Variants in TRMT1 observed in about 807,000 individuals in gnomAD.
TRMT1 encodes tRNA (guanine(26)-N(2))-dimethyltransferase.
A neutral mutation model predicts 75.4 loss-of-function variants in TRMT1; 63 were observed. The ratio of observed to expected loss-of-function variants is 0.84; its 90% CI spans 0.68 to 1.03. The LOEUF is 1.03. Ranked by LOEUF, TRMT1 falls within the 50% of genes least tolerant of loss-of-function variation. The pLI, the probability that TRMT1 is intolerant of heterozygous loss-of-function variation, is 0.00. For synonymous variants in TRMT1, 382 were observed against 358.1 expected (o/e 1.07, Z -0.75); for missense variants, 870 against 905.3 (o/e 0.96, Z 0.50).
Position 13,115,408 on chromosome 19 carries a change from G to A in TRMT1, c.512C>T (p.Ala171Val), listed in dbSNP as rs2019301720. The A allele has an allele frequency of 6.2e-7, 1 of 1,614,048 alleles. No individual in the cohort carries two copies. The highest frequency in any genetic ancestry group is 1.7e-5 in the Admixed American group (1 of 60,018). The part of the protein sequence containing the change: ...AASGLRSIRF[A>V]LEVPGLRSVV... ...AGATCTGAGCCCAGGCACCTCTAGG[G>A]CAAATCGAATGGAACGTAGGCCTGA... Residue 171 changes from alanine (A) to valine (V), a missense_variant, in exon 5 of 17, where the codon GCC (alanine) becomes GTC (valine). Transcript: ENST00000357720.
intron 12 of TRMT1, among the ~76,000 whole-genome samples, chr19:13,109,085 GGTGTGTGTGTGT>G (rs57825932): frequency 6.8e-6 from 1 of 147,270 alleles, no homozygotes; most frequent in Non-Finnish European, 1.5e-5. Flanking sequence ...CAGGCTAATG[GGTGTGTGTGTGT>G]GTGTGTGTGT....
At chr19:13,108,134 G>A (rs1451208857) in intron 12 of TRMT1, among the ~76,000 whole-genome samples, 2 of 151,510 alleles carry the variant, frequency 1.3e-5, no homozygotes, top group Admixed American at 1.3e-4. Context: ...GGGACTATAG[G>A]CATGTGCCAC....
rs1490975355 is a variant in TRMT1, at chr19:13,110,319, G to A, written c.871-13C>T. The A allele has an allele frequency of 2.6e-6, 2 of 770,250 alleles. No homozygotes were observed. The highest frequency in any genetic ancestry group is 4.5e-6 in the Non-Finnish European group (2 of 447,882). The allele number at this position is 770,250 out of a possible 1,614,324, so 47.7% of individuals were successfully genotyped here. A position where few individuals can be genotyped will look rare whatever the true frequency, so the allele number is the denominator to read the frequency against. ...CGATTCTCAGGGCCTGGGGGTGGGG[G>A]GTGGGTGTCAGCCTCCCCTCCACTA... On this transcript the variant is annotated splice_polypyrimidine_tract_variant and intron_variant, in intron 7 of 16. Coordinates refer to ENST00000357720, the MANE Select transcript of TRMT1 (RefSeq NM_001136035.4).
rs1203970264 is a variant in TRMT1 at position 13,107,617 on chromosome 19, A to G, written c.1540T>C (p.Ser514Pro). 1 of 1,609,004 alleles carries G rather than the reference A, an allele frequency of 6.2e-7. No homozygotes were observed. The highest frequency in any genetic ancestry group is 8.5e-7 in the Non-Finnish European group (1 of 1,177,314). Residue 514 changes from serine (S) to proline (P), a missense_variant, in exon 14 of 17, where the codon TCA (serine) becomes CCA (proline). Physicochemically the swap from Ser to Pro is moderately conservative, Grantham distance 74. Coordinates refer to ENST00000357720, the MANE Select transcript of TRMT1 (RefSeq NM_001136035.4). ...KECPVKRERL[S>P]ETSPAFRILS... ...ATGCGGAACGCTGGGCTAGTCTCTG[A>G]TAGTCGCTCCCGTTTCACCGGACAT... is the stretch of plus-strand genomic sequence containing the variant.
chr19:13,113,079 T>G, intron 5 of TRMT1, 68 bp from the exon 6 acceptor site: 2 of 1,230,908 alleles, frequency 1.6e-6, no homozygotes, highest in East Asian at 5.1e-5. Flanking sequence ...CTACACATAT[T>G]AACTCGTACA....
At chr19:13,106,244 G>C (rs1400485149) in intron 14 of TRMT1, among the ~76,000 whole-genome samples, 1 of 150,712 alleles carries the variant, frequency 6.6e-6, no homozygotes, top group African/African-American at 2.4e-5. Context: ...AATTTTTTTA[G>C]TTTTCTGGTA....
chr19:13,106,802 GT>G (rs1471477412), intron 14 of TRMT1, among the ~76,000 whole-genome samples: 4 of 146,340 alleles, frequency 2.7e-5, no homozygotes, highest in Admixed American at 1.4e-4. Flanking sequence ...AGCAGATTTA[GT>G]TATTTTTATT....
chr19:13,111,437 G>A (rs1272114258), intron 7 of TRMT1, among the ~76,000 whole-genome samples: 1 of 148,344 alleles, frequency 6.7e-6, no homozygotes, highest in Non-Finnish European at 1.5e-5. Flanking sequence ...AGGCTGGAGT[G>A]CAATGGTGCC....
Position 13,105,050 on chromosome 19 carries a change from T to C in TRMT1, c.1865A>G (p.Tyr622Cys). The change falls in exon 17 of 17, where the codon TAC (tyrosine) becomes TGC (cysteine). Residue 622 changes from tyrosine (Y) to cysteine (C), a missense_variant. Transcript: ENST00000357720. ...GTCQRGDQCC[Y>C]SHSPPTPRVS... ...CCTGGGTGTCGGGGGGCTGTGGGAG[T>C]AGCAGCACTGGTCCCCGCGTTGACA... 6.2e-7 allele frequency: 1 copy of C among 1,604,406 alleles called. No individual in the cohort carries two copies. The highest frequency in any genetic ancestry group is 8.5e-7 in the Non-Finnish European group (1 of 1,174,860).
At chr19:13,110,522 A>C (rs2019100053) in intron 7 of TRMT1, among the ~76,000 whole-genome samples, 1 of 152,224 alleles carries the variant, frequency 6.6e-6, no homozygotes, top group African/African-American at 2.4e-5. Flanking sequence ...TGTCTGTGGC[A>C]CTGCTGGGGG....
In TRMT1 at chr19:13,109,732, C is replaced by A. The variant is rs76598051; in HGVS notation, c.1176+37G>T. ...TGAGCAGGGACTATGACCTTCAAGA[C>A]CCTCTTGCTCCTTTGCCTCCCCTGG... On this transcript the variant is annotated intron_variant, in intron 10 of 16. Transcript: ENST00000357720. 5.7e-3 allele frequency: 9,124 copies of A among 1,613,946 alleles called. 446 individuals carry two copies. In the African/African-American group the frequency reaches 0.11, roughly 19 times the overall value.
At position 13,109,371 on chromosome 19, in the gene TRMT1, G is replaced by A; in HGVS notation, c.1397+10C>T. The A allele has an allele frequency of 3.1e-6, 5 of 1,612,226 alleles. No homozygotes were observed. The highest frequency in any genetic ancestry group is 4.2e-6 in the Non-Finnish European group (5 of 1,179,964). ...TGGGACAGGCTCCTCCCGACCCCAG[G>A]GGCTCTTACCGCAACTGCAGGAGGC... On this transcript the variant is annotated intron_variant, in intron 12 of 16. Transcript: ENST00000357720.
At chr19:13,111,710 T>C (rs1427620281) in intron 7 of TRMT1, among the ~76,000 whole-genome samples, 1 of 147,306 alleles carries the variant, frequency 6.8e-6, no homozygotes, top group Non-Finnish European at 1.5e-5. Context: ...TTTTTTTTTC[T>C]TTTTTTTGAG....
At chr19:13,105,728 C>T (rs369633393) in intron 14 of TRMT1, 122 bp from the exon 15 acceptor site, 7 of 1,023,748 alleles carry the variant, frequency 6.8e-6, no homozygotes, top group Non-Finnish European at 9.9e-6. Flanking sequence ...TGTCAGGATT[C>T]TCTCATTCAT....
At position 13,115,308 on chromosome 19, in the gene TRMT1, G is replaced by A. The variant is rs1461708161; in HGVS notation, c.612C>T (p.His204=). Reference sequence around the variant, plus strand: ...CATCTGCTTGGCTCGGCTGTACCAGGTGGGCCACGTCATTGAGCTGGACAT... The same window carrying A: ...CATCTGCTTGGCTCGGCTGTACCAGATGGGCCACGTCATTGAGCTGGACAT... The part of the protein sequence containing the change: ...RRNVQLNDVA[H]LVQPSQADAR... Residue 204 remains histidine, a synonymous_variant, in exon 5 of 17, where the codon CAC becomes CAT. Transcript: ENST00000357720. 1 of 1,613,570 alleles carries A rather than the reference G, an allele frequency of 6.2e-7. No individual in the cohort carries two copies.
intron 12 of TRMT1, 46 bp downstream of exon 12, chr19:13,109,335 A>G: frequency 6.2e-7 from 1 of 1,609,094 alleles, no homozygotes; most frequent in Non-Finnish European, 8.5e-7. Flanking sequence ...GCCCCAGGCC[A>G]CCCTGTGGTC....
At position 13,112,659 on chromosome 19, in the gene TRMT1, C is replaced by T. The variant is rs755547208; in HGVS notation, c.870+46G>A. 2.5e-6 allele frequency: 4 copies of T among 1,573,816 alleles called. No homozygotes were observed. In the South Asian group the frequency reaches 3.4e-5, roughly 13 times the overall value. ...TGTATTGGGAAGGGACTCAGACAAC[C>T]ACCTGTCCCCCGGTCTCCCTGGCTG... On this transcript the variant is annotated intron_variant, in intron 7 of 16. Transcript: ENST00000357720.
In TRMT1 at chr19:13,116,334, C is replaced by T. The variant is rs1016528792; in HGVS notation, c.66G>A (p.Arg22=). Residue 22 remains arginine, a synonymous_variant, in exon 2 of 17, where the codon CGG becomes CGA. Transcript: ENST00000357720. ...FRSARVLSRA[R]FFEWQSPGLP... is the part of the protein sequence containing the mutation. ...GCCCTGGAGACTGCCACTCGAAAAA[C>T]CGGGCTCTAGAGAGCACCCGGGCGG... 4.9e-5 allele frequency: 79 copies of T among 1,613,760 alleles called. No homozygotes were observed. The highest frequency in any genetic ancestry group is 6.7e-5 in the Non-Finnish European group (79 of 1,180,030).
At chr19:13,114,971 G>A (rs186037315) in intron 5 of TRMT1, among the ~76,000 whole-genome samples, 3 of 152,286 alleles carry the variant, frequency 2.0e-5, no homozygotes, top group East Asian at 1.9e-4. Flanking sequence ...TCTTGAAAAC[G>A]GTGCCTGACA....
Sources: allele counts gnomAD v4.1 joint callset (sites outside exome capture counted in the v4.1 genomes callset), GRCh38; gene constraint gnomAD v4.1.1; transcripts MANE v1.5; gene names NCBI Gene and HGNC (gene_info 2026-07-23, HGNC 2026-07-21).